The following FRMD4A variants were observed in gnomAD, a reference collection of about 807,000 sequenced individuals.
The protein encoded by FRMD4A is FERM domain-containing protein 4A.
FRMD4A carries 29 observed loss-of-function variants against 129.1 expected under a neutral mutation model. The ratio of observed to expected loss-of-function variants is 0.22; its 90% CI spans 0.17 to 0.31. The LOEUF (loss-of-function observed/expected upper bound fraction) is 0.31, where lower values mean the gene tolerates loss of function less well. FRMD4A is among the 10% of genes least tolerant of loss of function. The pLI, the probability that FRMD4A is intolerant of heterozygous loss-of-function variation, is 1.00. For missense variants in FRMD4A, 1,272 were observed against 1,375.8 expected (o/e 0.92, Z 1.19); for synonymous variants, 634 against 571.6 (o/e 1.11, Z -1.56).
intron 13 of FRMD4A, among the ~76,000 whole-genome samples, chr10:13,702,094 T>C (rs570049439): frequency 2.0e-5 from 3 of 152,298 alleles, no homozygotes; most frequent in African/African-American, 7.2e-5. Flanking sequence ...ATTTTTCAGA[T>C]GGAGTCTTGC....
chr10:14,143,189 T>C (rs1170352695), intron 2 of FRMD4A, among the ~76,000 whole-genome samples: 1 of 152,206 alleles, frequency 6.6e-6, no homozygotes, highest in African/African-American at 2.4e-5. Flanking sequence ...ACGTCCATCA[T>C]TGCAGCATTA....
At chr10:13,902,056 A>G (rs2094825697) in intron 2 of FRMD4A, among the ~76,000 whole-genome samples, 1 of 152,256 alleles carries the variant, frequency 6.6e-6, no homozygotes, top group African/African-American at 2.4e-5. Context: ...TCACACTGTC[A>G]TCCAGGCTGG....
chr10:14,092,773 G>A lies in FRMD4A; in HGVS notation c.46-233861C>T, dbSNP rs141475253. 1.3e-3 allele frequency among the ~76,000 whole-genome samples: 201 copies of A among 152,292 alleles called. 7 individuals carry two copies. The East Asian group carries it at 0.035, about 26-fold the overall frequency. On this transcript the variant is annotated intron_variant, in intron 2 of 24. Transcript: ENST00000357447. ...GAGGGAGTCTGTCATCAAATAGGTG[G>A]GTCTCGGGACCAGGCTGGGATATAA...
chr10:13,945,293 T>C lies in FRMD4A; in HGVS notation c.46-86381A>G, dbSNP rs549368407. On this transcript the variant is annotated intron_variant, in intron 2 of 24. Coordinates refer to ENST00000357447, the MANE Select transcript of FRMD4A (RefSeq NM_018027.5). ...CACTTTGGGATAGGGTCTGTATGGT[T>C]AGTCTTCTTCTAAACCTGGGTCCAG... Among the ~76,000 whole-genome samples the C allele has an allele frequency of 5.3e-5, 8 of 152,336 alleles. No homozygotes were observed. The South Asian group carries it at 1.7e-3, about 32-fold the overall frequency.
At chr10:14,121,136 G>A (rs1168635963) in intron 2 of FRMD4A, among the ~76,000 whole-genome samples, 3 of 152,208 alleles carry the variant, frequency 2.0e-5, no homozygotes, top group African/African-American at 4.8e-5. Context: ...GAAAGGTTGA[G>A]TTGGGTGGAT....
At chr10:14,219,065 A>C (rs181146687) in intron 2 of FRMD4A, among the ~76,000 whole-genome samples, 4 of 151,616 alleles carry the variant, frequency 2.6e-5, no homozygotes, top group Admixed American at 6.6e-5. Context: ...GGAACATAGG[A>C]AGTAAGAGGA....
chr10:13,771,159 C>T (rs552218803), intron 6 of FRMD4A, among the ~76,000 whole-genome samples: 4 of 152,228 alleles, frequency 2.6e-5, no homozygotes, highest in South Asian at 2.1e-4. Flanking sequence ...ACTTCAGCCT[C>T]GAACTTGTGG....
intron 2 of FRMD4A, among the ~76,000 whole-genome samples, chr10:14,046,671 T>C (rs1834002623): frequency 6.6e-6 from 1 of 152,182 alleles, no homozygotes; most frequent in Non-Finnish European, 1.5e-5. Flanking sequence ...ATCATTTCTG[T>C]TTGTTCAGAA....
chr10:14,114,975 T>C (rs557246416), intron 2 of FRMD4A, among the ~76,000 whole-genome samples: 135 of 152,176 alleles, frequency 8.9e-4, no homozygotes, highest in African/African-American at 3.1e-3. Context: ...GGAGAAAGAA[T>C]GGGATAGAAA....
At chr10:13,888,237 G>A (rs2094648958) in intron 2 of FRMD4A, among the ~76,000 whole-genome samples, 1 of 152,182 alleles carries the variant, frequency 6.6e-6, no homozygotes, top group South Asian at 2.1e-4. Context: ...TTTTTTAGCA[G>A]CCACTTTTCC....
chr10:14,258,764 C>A (rs1480873432), intron 2 of FRMD4A, among the ~76,000 whole-genome samples: 1 of 152,148 alleles, frequency 6.6e-6, no homozygotes, highest in Non-Finnish European at 1.5e-5. Flanking sequence ...CAGAAAACAA[C>A]TCAAATTTCC....
At chr10:13,731,204 G>C (rs1399714357) in intron 12 of FRMD4A, among the ~76,000 whole-genome samples, 1 of 152,096 alleles carries the variant, frequency 6.6e-6, no homozygotes, top group Non-Finnish European at 1.5e-5. Context: ...GCACTCAAAG[G>C]GATGTCCCCA....
At chr10:14,109,833 G>A (rs959823569) in intron 2 of FRMD4A, among the ~76,000 whole-genome samples, 2 of 151,676 alleles carry the variant, frequency 1.3e-5, no homozygotes, top group Non-Finnish European at 2.9e-5. Context: ...TTAGCCGGGT[G>A]TGGTGGCGGG....
rs149525392 is a variant in FRMD4A, at chr10:13,771,788, G to C, written c.385-9108C>G. Among the ~76,000 whole-genome samples the C allele has an allele frequency of 3.1e-3, 470 of 152,210 alleles. 2 individuals carry two copies. The highest frequency in any genetic ancestry group is 0.011 in the African/African-American group (448 of 41,524). On this transcript the variant is annotated intron_variant, in intron 6 of 24. Coordinates refer to ENST00000357447, the MANE Select transcript of FRMD4A (RefSeq NM_018027.5). ...GAAATGTGATGAATGTCCCTAAAGA[G>C]TGCATTGCCAGCTGGGTGCGGTGGC...
chr10:14,279,182 A>ATTTTTTTTTTTTTTTTTTTTTT (rs1223887250), intron 2 of FRMD4A, among the ~76,000 whole-genome samples: 1 of 99,632 alleles, frequency 1.0e-5, no homozygotes, highest in African/African-American at 4.1e-5. Flanking sequence ...AGGAAGCGGG[A>ATTTTTTTTTTTTTTTTTTTTTT]TTTTTTTTTT....
chr10:13,952,893 G>A (rs1588512744), intron 2 of FRMD4A, among the ~76,000 whole-genome samples: 4 of 151,790 alleles, frequency 2.6e-5, no homozygotes, highest in South Asian at 2.1e-4. Flanking sequence ...AAGGGGTTTC[G>A]CCATGTTGTC....
At chr10:14,179,495 G>A (rs932346678) in intron 2 of FRMD4A, among the ~76,000 whole-genome samples, 1 of 151,870 alleles carries the variant, frequency 6.6e-6, no homozygotes, top group East Asian at 1.9e-4. Context: ...TTTTCTCTCT[G>A]CCTCAACCCT....
At chr10:14,034,807 G>A (rs1431943654) in intron 2 of FRMD4A, among the ~76,000 whole-genome samples, 1 of 152,186 alleles carries the variant, frequency 6.6e-6, no homozygotes, top group African/African-American at 2.4e-5. Context: ...GTCCCTAGAA[G>A]AGAAAAGGAT....
Position 13,821,789 on chromosome 10 carries a change from C to A in FRMD4A, c.112-10881G>T, listed in dbSNP as rs1309119574. 6.6e-6 allele frequency among the ~76,000 whole-genome samples: 1 copy of A among 152,116 alleles called. No homozygotes were observed. The highest frequency in any genetic ancestry group is 2.4e-5 in the African/African-American group (1 of 41,414). On this transcript the variant is annotated intron_variant, in intron 3 of 24. Coordinates refer to ENST00000357447, the MANE Select transcript of FRMD4A (RefSeq NM_018027.5). The surrounding 1 kb of genome is among the most constrained non-coding windows in gnomAD (Gnocchi z 4.3). The stretch of plus-strand genomic sequence containing the variant: ...AGGATTATAGGAAGAGCCAGAGAGA[C>A]CATCTGCCCAGCCCACTTCATGACG...
Sources: gnomAD v4.1 joint callset for allele counts (sites outside exome capture counted in the v4.1 genomes callset) on GRCh38, gnomAD v4.1.1 for gene constraint, Gnocchi (gnomAD v3.1) non-coding constraint, MANE v1.5 for transcripts, NCBI Gene and HGNC (gene_info 2026-07-23, HGNC 2026-07-21) for gene names.